Variants in TDRD12 observed in about 807,000 individuals in gnomAD.
TDRD12 encodes the protein putative ATP-dependent RNA helicase TDRD12.
A neutral mutation model predicts 133.5 loss-of-function variants in TDRD12; 158 were observed. The observed-to-expected ratio is 1.18, with a 90% CI of 1.04 to 1.35. The LOEUF is 1.35. TDRD12 is among the 40% of genes most tolerant of loss of function. The probability of loss-of-function intolerance (pLI) is 0.00; values close to 1 mark genes in which losing one functional copy is unlikely to be tolerated. For missense variants in TDRD12, 1,443 were observed against 1,321.3 expected (o/e 1.09, Z -1.43); for synonymous variants, 460 against 477.9 (o/e 0.96, Z 0.49).
exon 10 of TDRD12, chr19:32,828,971 T>A (rs1401901680): frequency 1.3e-5 from 2 of 152,310 alleles, no homozygotes; most frequent in Non-Finnish European, 1.5e-5. Flanking sequence ...AGGTATCAAA[T>A]CAGCCCATGA....
rs1207127948 is a variant in TDRD12 at position 32,803,021 on chromosome 19, C to T, written c.2431C>T (p.Arg811Ter). The T allele has an allele frequency of 1.2e-5, 18 of 1,535,688 alleles. No individual in the cohort carries two copies. The Admixed American group carries it at 1.6e-4, about 13-fold the overall frequency. The change falls in exon 21 of 28, where the codon CGA becomes TGA. Residue 811 changes from arginine (R) to a stop codon, truncating the protein, a stop_gained. Coordinates refer to ENST00000444215, the Ensembl canonical transcript of TDRD12. LOFTEE classifies it high-confidence loss of function. ...GGTGGGCGTCCTGCGCTACTTGGAGCGAGCGGACGCCAAGGTCCCCGCAGA... is the reference window on the plus strand; with the variant it reads ...GGTGGGCGTCCTGCGCTACTTGGAGTGAGCGGACGCCAAGGTCCCCGCAGA...
At chr19:32,747,541 G>C (rs570042038) in intron 4 of TDRD12, among the ~76,000 whole-genome samples, 6 of 152,278 alleles carry the variant, frequency 3.9e-5, no homozygotes, top group Admixed American at 3.9e-4. Flanking sequence ...ATTCTGACCT[G>C]ACATTTTATT....
At chr19:32,824,921 C>T (rs1004474796), downstream of TDRD12, among the ~76,000 whole-genome samples, 8 of 152,156 alleles carry the variant, frequency 5.3e-5, no homozygotes, top group East Asian at 1.9e-4. Flanking sequence ...TTTTGGTTGA[C>T]GGCTCCGAGG....
intron 14 of TDRD12, among the ~76,000 whole-genome samples, chr19:32,796,812 G>T (rs2145682828): frequency 6.6e-6 from 1 of 152,180 alleles, no homozygotes; most frequent in South Asian, 2.1e-4. Flanking sequence ...TTTCAGGCCT[G>T]TGTCTGGAAG....
At chr19:32,791,549 C>T (rs1351367265) in intron 13 of TDRD12, among the ~76,000 whole-genome samples, 1 of 151,882 alleles carries the variant, frequency 6.6e-6, no homozygotes, top group Non-Finnish European at 1.5e-5. Context: ...GGACAAATAG[C>T]ATGAGAGAGA....
rs891434637 is a variant in TDRD12 at position 32,826,265 on chromosome 19, G to A, written c.804G>A (p.Trp268Ter). 6 of 1,462,170 alleles carry A rather than the reference G, an allele frequency of 4.1e-6. No individual in the cohort carries two copies. In the African/African-American group the frequency reaches 8.5e-5, roughly 21 times the overall value. 90.6% of individuals were successfully genotyped at this position (1,462,170 alleles called of 1,614,324 possible). The stretch of plus-strand genomic sequence containing the variant: ...CTAGCTTCCACCCACAAATAAAATG[G>A]TTCCAAAAAGAAGATGTCGTCATCT... Residue 268 changes from tryptophan (W) to a stop codon, truncating the protein, a stop_gained, in exon 8 of 10, where the codon TGG becomes TGA. Coordinates refer to the TDRD12 transcript ENST00000637289. LOFTEE classifies it high-confidence loss of function.
chr19:32,826,026 A>G, downstream of TDRD12: 1 of 1,164,716 alleles, frequency 8.6e-7, no homozygotes, highest in Admixed American at 2.0e-5. Context: ...AAAAAAGTAT[A>G]TATATATGTG....
At chr19:32,743,270 C>G (rs568550004) in intron 4 of TDRD12, among the ~76,000 whole-genome samples, 2 of 152,362 alleles carry the variant, frequency 1.3e-5, no homozygotes, top group African/African-American at 4.8e-5. Context: ...CAGCTTCACC[C>G]TCCTGGGTTC....
At chr19:32,721,273 G>T (rs1161865683) in intron 1 of TDRD12, among the ~76,000 whole-genome samples, 1 of 152,238 alleles carries the variant, frequency 6.6e-6, no homozygotes, top group Admixed American at 6.5e-5. Flanking sequence ...GAGCAGAGGG[G>T]TGGGTATGGG....
Position 32,821,147 on chromosome 19 carries a change from C to T in TDRD12, c.3498C>T (p.Tyr1166=). Reference sequence around the variant, plus strand: ...CAGAAAACCAGAAGCCTGGTGGGTACTTGGTATTCAAAAGATGGTTAAGTT... The same window carrying T: ...CAGAAAACCAGAAGCCTGGTGGGTATTTGGTATTCAAAAGATGGTTAAGTT... The change falls in exon 28 of 28, where the codon TAC becomes TAT. Residue 1166 remains tyrosine (Y), a synonymous_variant. Transcript: ENST00000444215. The T allele has an allele frequency of 6.5e-7, 1 of 1,532,026 alleles. No individual in the cohort carries two copies. The highest frequency in any genetic ancestry group is 8.7e-7 in the Non-Finnish European group (1 of 1,144,132). The allele number at this position is 1,532,026 out of a possible 1,614,324, so 94.9% of individuals were successfully genotyped here.
In TDRD12 at chr19:32,818,056, A is replaced by T. The variant is rs1478121622; in HGVS notation, c.3315-33A>T. On this transcript the variant is annotated intron_variant, in intron 26 of 27. Transcript: ENST00000444215. ...ACAGGCTCCACAGATGCACATGATT[A>T]TTTGCAAATGAAGTCTGCTCTGCTT... is the stretch of plus-strand genomic sequence containing the variant. 3 of 702,022 alleles carry T rather than the reference A, an allele frequency of 4.3e-6. No individual in the cohort carries two copies. In the East Asian group the frequency reaches 8.1e-5, roughly 19 times the overall value. The allele number at this position is 702,022 out of a possible 1,614,324, so 43.5% of individuals were successfully genotyped here.
At chr19:32,755,125 TC>T (rs374490430) in intron 6 of TDRD12, among the ~76,000 whole-genome samples, 34,428 of 151,972 alleles carry the variant, frequency 0.23, 4,162 homozygotes, top group African/African-American at 0.32. Context: ...CAAGTCCTCT[TC>T]CATTGTGTGG....
At position 32,775,801 on chromosome 19, in the gene TDRD12, C is replaced by T. The variant is rs1018820816; in HGVS notation, c.1041-1348C>T. On this transcript the variant is annotated intron_variant, in intron 10 of 27. Coordinates refer to ENST00000444215, the Ensembl canonical transcript of TDRD12. ...CCAGAGGTTGGCACCTGCTGATTGT[C>T]GTTTCCCTTGGCAGTCGATCTGGTT... 5.3e-5 allele frequency among the ~76,000 whole-genome samples: 8 copies of T among 152,098 alleles called. No individual in the cohort carries two copies. In the East Asian group the frequency reaches 5.8e-4, roughly 11 times the overall value.
chr19:32,740,621 C>T (rs1441969045), intron 3 of TDRD12, among the ~76,000 whole-genome samples: 1 of 152,202 alleles, frequency 6.6e-6, no homozygotes, highest in African/African-American at 2.4e-5. Flanking sequence ...GTGCTCCTTG[C>T]CGGCTGCTCT....
intron 11 of TDRD12, among the ~76,000 whole-genome samples, chr19:32,781,004 G>A (rs1278390010): frequency 1.4e-4 from 21 of 148,168 alleles, no homozygotes; most frequent in African/African-American, 3.8e-4. Flanking sequence ...GTGCAGTGGC[G>A]CGATCTCAGC....
At chr19:32,795,530 G>C (rs1305389982) in intron 14 of TDRD12, among the ~76,000 whole-genome samples, 1 of 152,058 alleles carries the variant, frequency 6.6e-6, no homozygotes, top group Non-Finnish European at 1.5e-5. Context: ...TAGGAGTGGG[G>C]TTGAAGTCTG....
At chr19:32,795,466 G>A (rs1971199061) in intron 14 of TDRD12, among the ~76,000 whole-genome samples, 1 of 152,096 alleles carries the variant, frequency 6.6e-6, no homozygotes, top group South Asian at 2.1e-4. Context: ...ATTTCACGGA[G>A]GAGAAAATGA....
At chr19:32,775,620 A>G (rs1970559616) in intron 10 of TDRD12, among the ~76,000 whole-genome samples, 1 of 151,578 alleles carries the variant, frequency 6.6e-6, no homozygotes, top group Admixed American at 6.6e-5. Flanking sequence ...GGTGTGAGCC[A>G]CTGTGCCCGG....
At chr19:32,787,744 G>A (rs1260357412) in intron 11 of TDRD12, among the ~76,000 whole-genome samples, 3 of 152,218 alleles carry the variant, frequency 2.0e-5, no homozygotes, top group Non-Finnish European at 4.4e-5. Context: ...GGGACCCGCC[G>A]AGCCAGGCAC....
Sources: allele counts gnomAD v4.1 joint callset (sites outside exome capture counted in the v4.1 genomes callset), GRCh38; gene constraint gnomAD v4.1.1; transcripts MANE v1.5; gene names NCBI Gene and HGNC (gene_info 2026-07-23, HGNC 2026-07-21).